RYR3: variants seen among roughly 807,000 people sequenced by gnomAD.
The protein encoded by RYR3 is ryanodine receptor 3.
RYR3 carries 207 observed loss-of-function variants against 584.3 expected under a neutral mutation model. That is an observed-to-expected ratio of 0.35 (90% CI 0.32 to 0.40). The LOEUF is 0.40. Among genes scored for constraint, RYR3 ranks in the 10% least tolerant of loss-of-function variants. The pLI, the probability that RYR3 is intolerant of heterozygous loss-of-function variation, is 1.00. For missense variants in RYR3, 5,616 were observed against 6,089.2 expected (o/e 0.92, Z 2.59); for synonymous variants, 2,416 against 2,248.5 (o/e 1.07, Z -2.11).
chr15:33,390,304 G>A lies in RYR3; in HGVS notation c.51+79208G>A, dbSNP rs1011517305. Among the ~76,000 whole-genome samples the A allele has an allele frequency of 1.3e-5, 2 of 152,096 alleles. No individual in the cohort carries two copies. The highest frequency in any genetic ancestry group is 4.8e-5 in the African/African-American group (2 of 41,408). The stretch of plus-strand genomic sequence containing the variant: ...TTTGTTTAGTTTGTTCTTTTAGCTG[G>A]GCCCACATGGGCCTCAGTACCAGTA... On this transcript the variant is annotated intron_variant, in intron 1 of 103. Transcript: ENST00000634891. This position sits in a 1 kb window ranked among gnomAD's most constrained non-coding sequence, Gnocchi z 4.2.
intron 50 of RYR3, 137 bp downstream of exon 50, chr15:33,738,727 CT>C (rs1228799599): frequency 2.2e-6 from 2 of 898,092 alleles, no homozygotes; most frequent in African/African-American, 1.7e-5. Flanking sequence ...TACGCCAATC[CT>C]TGCCCATCTC....
chr15:33,626,074 C>A lies in RYR3; in HGVS notation c.2574+2051C>A, dbSNP rs558265705. Among the ~76,000 whole-genome samples, 4 of 152,332 alleles carry A rather than the reference C, an allele frequency of 2.6e-5. No individual in the cohort carries two copies. In the East Asian group the frequency reaches 7.7e-4, roughly 29 times the overall value. ...TGCCCAAGCAGGCAGAGAGTAGAAG[C>A]ATGAGTGTGACTCCTGTCTGGGCTG... On this transcript the variant is annotated intron_variant, in intron 20 of 103. Coordinates refer to ENST00000634891, the MANE Select transcript of RYR3 (RefSeq NM_001036.6).
intron 46 of RYR3, among the ~76,000 whole-genome samples, chr15:33,727,586 T>A (rs1194004744): frequency 6.6e-6 from 1 of 152,130 alleles, no homozygotes; most frequent in Non-Finnish European, 1.5e-5. Context: ...CAGGCACGCA[T>A]GAGAGAGGAA....
rs1208671616 is a variant in RYR3, at chr15:33,748,497, C to T, written c.8166C>T (p.Asp2722=). The part of the protein sequence containing the change: ...QGNSYSPAPL[D]LSNVVLSREL... ...ACAGCTACAGTCCTGCTCCCCTCGA[C>T]CTCTCAAACGTTGTGCTCTCCAGAG... The change falls in exon 55 of 104, where the codon GAC becomes GAT. Residue 2722 remains aspartate, a synonymous_variant. Coordinates refer to ENST00000634891, the MANE Select transcript of RYR3 (RefSeq NM_001036.6). 5 of 1,613,276 alleles carry T rather than the reference C, an allele frequency of 3.1e-6. No individual in the cohort carries two copies. The highest frequency in any genetic ancestry group is 2.7e-5 in the African/African-American group (2 of 74,914).
intron 10 of RYR3, among the ~76,000 whole-genome samples, chr15:33,556,275 A>G (rs1838934926): frequency 6.6e-6 from 1 of 152,160 alleles, no homozygotes; most frequent in Non-Finnish European, 1.5e-5. Context: ...ATCATCCTAG[A>G]TACTGATGGC....
intron 38 of RYR3, among the ~76,000 whole-genome samples, chr15:33,680,015 C>G (rs2064474597): frequency 6.6e-6 from 1 of 152,122 alleles, no homozygotes; most frequent in South Asian, 2.1e-4. Context: ...TGCTTAGATT[C>G]CAGCAGCATG....
At chr15:33,612,423 C>T (rs8036442) in intron 18 of RYR3, among the ~76,000 whole-genome samples, 26,203 of 152,204 alleles carry the variant, frequency 0.17, 2,282 homozygotes, top group Middle Eastern at 0.23. Flanking sequence ...TGCAATGGCA[C>T]GGTCTCGGCT....
At chr15:33,826,372 T>C in intron 83 of RYR3, 103 bp downstream of exon 83, 6 of 1,200,246 alleles carry the variant, frequency 5.0e-6, no homozygotes, top group Non-Finnish European at 6.2e-6. Context: ...TAGTTGCATG[T>C]TGAGTTGAAC....
intron 65 of RYR3, among the ~76,000 whole-genome samples, chr15:33,780,595 T>C (rs1350907284): frequency 6.6e-6 from 1 of 152,224 alleles, no homozygotes; most frequent in Non-Finnish European, 1.5e-5. Context: ...TGAAATCCTT[T>C]CCATCCTAAG....
intron 60 of RYR3, among the ~76,000 whole-genome samples, chr15:33,767,517 G>C (rs1411273006): frequency 2.3e-5 from 1 of 43,622 alleles, no homozygotes; most frequent in East Asian, 7.1e-4. Context: ...AAAAGACTCA[G>C]GGCATTTATT....
At chr15:33,770,772 A>T (rs987388702) in intron 62 of RYR3, among the ~76,000 whole-genome samples, 1 of 152,164 alleles carries the variant, frequency 6.6e-6, no homozygotes, top group Non-Finnish European at 1.5e-5. Flanking sequence ...ATGAATACTT[A>T]TAGGATAAGA....
intron 19 of RYR3, among the ~76,000 whole-genome samples, chr15:33,617,543 T>C (rs192281300): frequency 1.9e-3 from 297 of 152,336 alleles, no homozygotes; most frequent in African/African-American, 6.8e-3. Flanking sequence ...AGAAAGAGAT[T>C]CTTTTTCTCC....
intron 60 of RYR3, among the ~76,000 whole-genome samples, chr15:33,762,150 TACTG>T (rs2072510711): frequency 6.6e-6 from 1 of 151,048 alleles, no homozygotes; most frequent in Admixed American, 6.6e-5. Context: ...GCCAATATCA[TACTG>T]AATGGGCAAA....
At chr15:33,770,992 T>G (rs1406794638) in intron 62 of RYR3, among the ~76,000 whole-genome samples, 1 of 152,226 alleles carries the variant, frequency 6.6e-6, no homozygotes, top group Non-Finnish European at 1.5e-5. Flanking sequence ...GAGGGAAGGC[T>G]TCAAATCTCC....
At chr15:33,403,186 G>C (rs555815140) in intron 1 of RYR3, among the ~76,000 whole-genome samples, 2 of 152,326 alleles carry the variant, frequency 1.3e-5, no homozygotes, top group South Asian at 2.1e-4. Flanking sequence ...AGTAACTGAT[G>C]AAAGATCTCT....
intron 102 of RYR3, among the ~76,000 whole-genome samples, chr15:33,862,704 G>T (rs528098424): frequency 1.3e-5 from 2 of 150,900 alleles, no homozygotes; most frequent in Admixed American, 1.3e-4. Context: ...TCCACCTCCT[G>T]GATTCAAGTG....
At chr15:33,798,522 G>A (rs781409879) in intron 67 of RYR3, among the ~76,000 whole-genome samples, 4 of 152,276 alleles carry the variant, frequency 2.6e-5, no homozygotes, top group Non-Finnish European at 5.9e-5. Flanking sequence ...GCAGGAGAAA[G>A]GCAAAAAGAC....
rs79809894 is a variant in RYR3, at chr15:33,623,101, A to C, written c.2358-706A>C. ...ACTGCAGGAGGTGGGCCAGGGTGTC[A>C]GGACTGGGTACTATCAGGAGGATGA... On this transcript the variant is annotated intron_variant, in intron 19 of 103. Transcript: ENST00000634891. Among the ~76,000 whole-genome samples the C allele has an allele frequency of 1.4e-3, 212 of 152,290 alleles. 1 individual carries two copies. In the East Asian group the frequency reaches 0.03, roughly 21 times the overall value.
chr15:33,544,890 A>C (rs1341887764), intron 8 of RYR3, among the ~76,000 whole-genome samples: 1 of 152,076 alleles, frequency 6.6e-6, no homozygotes, highest in African/African-American at 2.4e-5. Flanking sequence ...TTAGGAAGTT[A>C]GGTCGACCTT....
Sources: allele counts gnomAD v4.1 joint callset (sites outside exome capture counted in the v4.1 genomes callset), GRCh38; gene constraint gnomAD v4.1.1; non-coding constraint Gnocchi (gnomAD v3.1); transcripts MANE v1.5; gene names NCBI Gene and HGNC (gene_info 2026-07-23, HGNC 2026-07-21).